The following PCDH15 variants were observed in gnomAD, a reference collection of about 807,000 sequenced individuals.
The protein encoded by PCDH15 is protocadherin related 15, also known as protocadherin-15.
A neutral mutation model predicts 178.5 loss-of-function variants in PCDH15; 129 were observed. The observed-to-expected ratio is 0.72, with a 90% CI of 0.63 to 0.84. The LOEUF is 0.84. Ranked by LOEUF, PCDH15 falls within the 40% of genes least tolerant of loss-of-function variation. The pLI is 0.00. For missense variants in PCDH15, 2,230 were observed against 2,099.9 expected, an observed-to-expected ratio of 1.06 and a Z score of -1.21; for synonymous variants, 800 against 732.0, an observed-to-expected ratio of 1.09 and a Z score of -1.50.
intron 18 of PCDH15, among the ~76,000 whole-genome samples, chr10:54,030,931 G>A (rs903657000): frequency 6.6e-6 from 1 of 151,816 alleles, no homozygotes; most frequent in East Asian, 1.9e-4. Flanking sequence ...ACTCTATCTT[G>A]TCTTTACTCA....
intron 2 of PCDH15, among the ~76,000 whole-genome samples, chr10:55,346,463 A>T (rs1844756460): frequency 6.6e-6 from 1 of 152,086 alleles, no homozygotes; most frequent in Non-Finnish European, 1.5e-5. Flanking sequence ...CTCTGATTTT[A>T]ATTTGGGGTT....
chr10:53,822,370 TAGA>T lies in PCDH15; in HGVS notation c.4368-2143_4368-2141del, dbSNP rs2132490441. 1.3e-6 allele frequency: 2 copies of T among 1,569,300 alleles called. No individual in the cohort carries two copies. The highest frequency in any genetic ancestry group is 1.9e-5 in the Admixed American group (1 of 52,534). On this transcript the variant is annotated intron_variant, in intron 32 of 37. Coordinates refer to ENST00000644397, the MANE Select transcript of PCDH15 (RefSeq NM_001384140.1). ...GTAGGAGGAGGAAGAGGAAGAGGGA[TAGA>T]AGGAGGAGAGGGAGGAGGACAAAAA...
At chr10:55,600,715 GC>G (rs765877962) in intron 2 of PCDH15, among the ~76,000 whole-genome samples, 1 of 152,070 alleles carries the variant, frequency 6.6e-6, no homozygotes. Context: ...GAGAAACCGG[GC>G]CCACTTCACA....
chr10:55,520,103 T>C (rs1265757023), intron 2 of PCDH15, among the ~76,000 whole-genome samples: 6 of 134,678 alleles, frequency 4.5e-5, no homozygotes, highest in Non-Finnish European at 8.0e-5. Context: ...TGTATATATA[T>C]ACACGCAATG....
chr10:55,238,302 A>G (rs1841447433), intron 1 of PCDH15, among the ~76,000 whole-genome samples: 1 of 151,794 alleles, frequency 6.6e-6, no homozygotes, highest in African/African-American at 2.4e-5. Context: ...GGCACCCGCT[A>G]CCACGCCCGG....
chr10:55,528,023 T>C (rs1465153918), intron 2 of PCDH15, among the ~76,000 whole-genome samples: 3 of 151,756 alleles, frequency 2.0e-5, no homozygotes, highest in African/African-American at 7.3e-5. Flanking sequence ...CTGAGTACTT[T>C]AGCTTTTACA....
intron 10 of PCDH15, among the ~76,000 whole-genome samples, chr10:54,207,636 G>C (rs1298439067): frequency 2.6e-5 from 4 of 151,966 alleles, no homozygotes; most frequent in Non-Finnish European, 5.9e-5. Context: ...GCACCCTGTG[G>C]AGGAACTCTC....
At chr10:53,910,893 A>G (rs967111927) in intron 25 of PCDH15, among the ~76,000 whole-genome samples, 5 of 152,240 alleles carry the variant, frequency 3.3e-5, no homozygotes, top group Admixed American at 2.6e-4. Flanking sequence ...CATTTTCATC[A>G]AGTGGAAAAA....
intron 2 of PCDH15, among the ~76,000 whole-genome samples, chr10:55,519,620 C>T (rs1201011523): frequency 1.3e-5 from 2 of 151,882 alleles, no homozygotes; most frequent in African/African-American, 2.4e-5. Context: ...TTTTTACAAA[C>T]ATATAATTAA....
chr10:54,439,431 T>C (rs73255920), intron 3 of PCDH15, among the ~76,000 whole-genome samples: 3,878 of 152,192 alleles, frequency 0.025, 170 homozygotes, highest in African/African-American at 0.088. Context: ...TGAGGCGTAG[T>C]TGTCTGTTCC....
intron 9 of PCDH15, among the ~76,000 whole-genome samples, chr10:54,231,297 G>T (rs2054040327): frequency 6.6e-6 from 1 of 152,220 alleles, no homozygotes; most frequent in African/African-American, 2.4e-5. Flanking sequence ...TTCAGAGCAT[G>T]CAAGCCATAG....
rs1010995707 is a variant in PCDH15, at chr10:55,394,722, T to C, written c.-155-228071A>G. On this transcript the variant is annotated intron_variant, in intron 2 of 5. Coordinates refer to the PCDH15 transcript ENST00000613346. The stretch of plus-strand genomic sequence containing the variant: ...AACTTTAAAGAGAAAGAAAGTTAAG[T>C]GTAATATAATTAAAGAAGTAATGGT... Among the ~76,000 whole-genome samples, 62 of 151,474 alleles carry C rather than the reference T, an allele frequency of 4.1e-4. 1 individual carries two copies. Among genetic ancestry groups the C allele is most frequent in the Non-Finnish European group, 3.4e-4 (23 of 67,856 alleles).
chr10:54,675,305 G>T (rs2094762810), intron 1 of PCDH15, among the ~76,000 whole-genome samples: 1 of 151,824 alleles, frequency 6.6e-6, no homozygotes, highest in East Asian at 1.9e-4. Flanking sequence ...GTCCCTTGGG[G>T]ATGGGGATTA....
intron 3 of PCDH15, among the ~76,000 whole-genome samples, chr10:54,389,588 T>A (rs563254752): frequency 6.6e-6 from 1 of 152,234 alleles, no homozygotes; most frequent in South Asian, 2.1e-4. Context: ...TGCGGCTCCA[T>A]CCCAAACTAT....
At chr10:54,046,975 T>C (rs1239258080) in intron 18 of PCDH15, among the ~76,000 whole-genome samples, 2 of 152,102 alleles carry the variant, frequency 1.3e-5, no homozygotes, top group Non-Finnish European at 2.9e-5. Context: ...GAAGGAAAAC[T>C]GAACTGAACT....
chr10:55,551,025 G>A (rs944845641), intron 2 of PCDH15, among the ~76,000 whole-genome samples: 2 of 151,906 alleles, frequency 1.3e-5, no homozygotes, highest in Non-Finnish European at 2.9e-5. Context: ...AAAAATCCTG[G>A]CACAAATCTT....
At chr10:53,880,827 T>C (rs1231949411) in intron 26 of PCDH15, among the ~76,000 whole-genome samples, 3 of 152,134 alleles carry the variant, frequency 2.0e-5, no homozygotes, top group Non-Finnish European at 4.4e-5. Context: ...AATGGTACTA[T>C]TTGTACATGG....
At chr10:55,148,379 A>G (rs760614931) in intron 2 of PCDH15, among the ~76,000 whole-genome samples, 34 of 151,934 alleles carry the variant, frequency 2.2e-4, no homozygotes, top group Non-Finnish European at 4.6e-4. Context: ...TCAAGTAGAG[A>G]TTAAAGCTCA....
intron 3 of PCDH15, among the ~76,000 whole-genome samples, chr10:54,470,790 G>A (rs2077863303): frequency 6.6e-6 from 1 of 152,094 alleles, no homozygotes; most frequent in African/African-American, 2.4e-5. Flanking sequence ...GGTGTTTTCT[G>A]TCACATCTCT....
Sources: allele counts gnomAD v4.1 joint callset (sites outside exome capture counted in the v4.1 genomes callset), GRCh38; gene constraint gnomAD v4.1.1; transcripts MANE v1.5; gene names NCBI Gene and HGNC (gene_info 2026-07-23, HGNC 2026-07-21).